The following ALDH1L2 variants were observed in gnomAD, a reference collection of about 807,000 sequenced individuals.
ALDH1L2 encodes the protein mitochondrial 10-formyltetrahydrofolate dehydrogenase.
Under a neutral mutation model 111.0 loss-of-function variants are expected in ALDH1L2, and 91 were observed. That is an observed-to-expected ratio of 0.82 (90% CI 0.69 to 0.98). ALDH1L2 has a LOEUF of 0.98. Among genes scored for constraint, ALDH1L2 ranks in the 50% least tolerant of loss-of-function variants. The pLI is 0.00. For missense variants in ALDH1L2, 995 were observed against 1,126.8 expected (o/e 0.88, Z 1.67); for synonymous variants, 374 against 392.6 (o/e 0.95, Z 0.56).
rs370142363 is a variant in ALDH1L2, at chr12:105,026,686, C to T, written c.2575G>A (p.Val859Ile). 2.1e-5 allele frequency: 34 copies of T among 1,614,178 alleles called. No homozygotes were observed. The African/African-American group carries it at 2.1e-4, about 10-fold the overall frequency. The change falls in exon 22 of 23, where the codon GTT (valine) becomes ATT (isoleucine). Residue 859 changes from valine to isoleucine, a missense_variant. Physicochemically the swap from Val to Ile is conservative, Grantham distance 29. Transcript: ENST00000258494. ...NSTEYGLASGVFTRDINKAMY... is the reference protein window; with the variant it reads ...NSTEYGLASGIFTRDINKAMY... ...GCTTTGTTTATGTCTCTTGTAAAAA[C>T]CCCTGAGGCCAAACCATACTCTGTA...
At position 105,048,898 on chromosome 12, in the gene ALDH1L2, G is replaced by A. The variant is rs570320673; in HGVS notation, c.1686+1010C>T. ...ATACAAAAATTAGCCAGGCGTGGTG[G>A]TGCACACCTGTAATCCCAGCTACTA... On this transcript the variant is annotated intron_variant, in intron 13 of 22. Coordinates refer to ENST00000258494, the MANE Select transcript of ALDH1L2 (RefSeq NM_001034173.4). Among the ~76,000 whole-genome samples the A allele has an allele frequency of 4.6e-3, 698 of 152,038 alleles. 5 individuals are homozygous for A. The highest frequency in any genetic ancestry group is 0.015 in the African/African-American group (636 of 41,460).
At position 105,052,144 on chromosome 12, in the gene ALDH1L2, T is replaced by A. The variant is rs1233233101; in HGVS notation, c.1481A>T (p.Glu494Val). The change falls in exon 12 of 23, where the codon GAA becomes GTA. Residue 494 changes from glutamate to valine, a missense_variant. Physicochemically the swap from Glu to Val is moderately radical, Grantham distance 121. Transcript: ENST00000258494. ...ATTCATTCTTCCCCATTCACCGTTT[T>A]CAAAAGCATCTTTTGCTGCTGCTAC... is the stretch of plus-strand genomic sequence containing the variant. The part of the protein sequence containing the change: ...KAVAAAKDAF[E>V]NGEWGRMNAR... The A allele has an allele frequency of 1.2e-6, 2 of 1,612,128 alleles. No individual in the cohort carries two copies. The highest frequency in any genetic ancestry group is 1.7e-6 in the Non-Finnish European group (2 of 1,178,892).
intron 9 of ALDH1L2, chr12:105,060,404 A>G (rs1400289135): frequency 6.6e-6 from 1 of 152,214 alleles, no homozygotes; most frequent in Non-Finnish European, 1.5e-5. Context: ...TAAAAGATGC[A>G]AACAATTCTA....
chr12:105,080,875 G>GAGT (rs1878305000), intron 1 of ALDH1L2, among the ~76,000 whole-genome samples: 1 of 152,174 alleles, frequency 6.6e-6, no homozygotes, highest in African/African-American at 2.4e-5. Context: ...AGGATTAAAG[G>GAGT]AGTACACAGT....
chr12:105,051,686 A>G (rs1876272874), intron 12 of ALDH1L2, among the ~76,000 whole-genome samples: 1 of 152,222 alleles, frequency 6.6e-6, no homozygotes, highest in South Asian at 2.1e-4. Flanking sequence ...GACATATTTC[A>G]TATTAGGTGA....
intron 9 of ALDH1L2, among the ~76,000 whole-genome samples, chr12:105,059,267 A>AAATAATAAT (rs56329502): frequency 2.2e-5 from 3 of 138,346 alleles, no homozygotes; most frequent in Non-Finnish European, 4.6e-5. Flanking sequence ...CTCTGTCTCA[A>AAATAATAAT]AATAATAATA....
chr12:105,058,058 C>G lies in ALDH1L2; in HGVS notation c.1287+15G>C. ...TCTCACTGATTTAGGGTTGCAACAT[C>G]AAGGAAAAGCTTACATAATCTACAA... On this transcript the variant is annotated intron_variant, in intron 10 of 22. Coordinates refer to ENST00000258494, the MANE Select transcript of ALDH1L2 (RefSeq NM_001034173.4). The G allele has an allele frequency of 6.2e-7, 1 of 1,607,608 alleles. No individual in the cohort carries two copies.
chr12:105,067,133 G>A (rs1245848494), intron 4 of ALDH1L2, among the ~76,000 whole-genome samples: 2 of 150,286 alleles, frequency 1.3e-5, no homozygotes, highest in Non-Finnish European at 3.0e-5. Flanking sequence ...GGAGAATGGC[G>A]TGAACCCGGG....
chr12:105,049,056 T>TTA (rs56992767), intron 13 of ALDH1L2, among the ~76,000 whole-genome samples: 34 of 152,052 alleles, frequency 2.2e-4, no homozygotes, highest in South Asian at 1.0e-3. Flanking sequence ...AATTTTTTTT[T>TTA]AATTTATTTC....
At chr12:105,072,923 G>A (rs572233510) in intron 2 of ALDH1L2, among the ~76,000 whole-genome samples, 6 of 152,236 alleles carry the variant, frequency 3.9e-5, no homozygotes, top group South Asian at 2.1e-4. Flanking sequence ...GCAGTGAGCC[G>A]AGGTCGTGCC....
rs1232180249 is a variant in ALDH1L2, at chr12:105,071,614, GTATATATATATATATA to G, written c.194-826_194-811del. On this transcript the variant is annotated intron_variant, in intron 2 of 22. Transcript: ENST00000258494. Reference sequence around the variant, plus strand: ...AAGTACACAGTTTTATATATAAGTAGTATATATATATATATATATATATATATATTTTTTTTTTTTT... The same window carrying G: ...AAGTACACAGTTTTATATATAAGTAGTATATATATATATTTTTTTTTTTTT... 4.2e-3 allele frequency among the ~76,000 whole-genome samples: 105 copies of G among 25,252 alleles called. 1 individual carries two copies. The highest frequency in any genetic ancestry group is 0.013 in the South Asian group (6 of 452). The allele number at this position is 25,252 out of a possible 152,430, so 16.6% of individuals were successfully genotyped here.
chr12:105,055,321 C>G (rs1199027454), intron 10 of ALDH1L2, among the ~76,000 whole-genome samples: 1 of 152,146 alleles, frequency 6.6e-6, no homozygotes, highest in Non-Finnish European at 1.5e-5. Flanking sequence ...ATTAAAGTAA[C>G]TGAACAGAGA....
chr12:105,027,805 G>A (rs114347269), intron 21 of ALDH1L2, among the ~76,000 whole-genome samples: 22 of 152,138 alleles, frequency 1.4e-4, no homozygotes, highest in African/African-American at 5.3e-4. Context: ...GAAGATAAAA[G>A]TTCCCCGAGG....
intron 17 of ALDH1L2, among the ~76,000 whole-genome samples, chr12:105,039,318 A>T (rs1334835724): frequency 1.4e-5 from 1 of 69,162 alleles, no homozygotes; most frequent in Non-Finnish European, 4.1e-5. Context: ...CTTACAGCTT[A>T]AAAAAAAATT....
intron 15 of ALDH1L2, among the ~76,000 whole-genome samples, chr12:105,041,880 C>T (rs1028994317): frequency 3.9e-5 from 6 of 152,088 alleles, no homozygotes; most frequent in Admixed American, 3.9e-4. Context: ...TTACTTTGAG[C>T]ATTACATTGC....
intron 11 of ALDH1L2, 82 bp from the exon 12 acceptor site, chr12:105,052,299 AAT>A (rs1428677119): frequency 2.2e-6 from 3 of 1,355,914 alleles, no homozygotes; most frequent in Non-Finnish European, 2.9e-6. Flanking sequence ...TAATAGAAAA[AAT>A]AGAGTATTAC....
chr12:105,043,661 T>C (rs1875673706), intron 15 of ALDH1L2, among the ~76,000 whole-genome samples: 1 of 152,226 alleles, frequency 6.6e-6, no homozygotes, highest in Non-Finnish European at 1.5e-5. Context: ...AATATAAAGG[T>C]TTTAAAATGT....
At chr12:105,063,774 G>C (rs1310318011) in intron 6 of ALDH1L2, among the ~76,000 whole-genome samples, 1 of 152,076 alleles carries the variant, frequency 6.6e-6, no homozygotes. Flanking sequence ...GGTGCTTTGT[G>C]AGTCAGTTCA....
chr12:105,062,899 C>T lies in ALDH1L2; in HGVS notation c.910G>A (p.Asp304Asn), dbSNP rs749336065. ...TATTTAACACTCACTGCTTTTCCAT[C>T]GTTACCAAAAAGAACAAGTCCATTT... Reference protein sequence around the residue: ...TKNGLVLFGNDGKALTVRNLQ... With the variant: ...TKNGLVLFGNNGKALTVRNLQ... Residue 304 changes from aspartate (D) to asparagine (N), a missense_variant, in exon 7 of 23, where the codon GAT (aspartate) becomes AAT (asparagine). Asp to Asn is a conservative substitution (Grantham distance 23, BLOSUM62 1). Transcript: ENST00000258494. 1.2e-5 allele frequency: 19 copies of T among 1,610,174 alleles called. No homozygotes were observed. Among genetic ancestry groups the T allele is most frequent in the East Asian group, 2.2e-5 (1 of 44,854 alleles).
Sources: gnomAD v4.1 joint callset for allele counts (sites outside exome capture counted in the v4.1 genomes callset) on GRCh38, gnomAD v4.1.1 for gene constraint, MANE v1.5 for transcripts, NCBI Gene and HGNC (gene_info 2026-07-23, HGNC 2026-07-21) for gene names.